CAB39L: variants seen among roughly 807,000 people sequenced by gnomAD.
The protein encoded by CAB39L is calcium-binding protein 39-like.
In CAB39L, 23 loss-of-function variants were observed where a neutral mutation model predicts 39.1. The ratio of observed to expected loss-of-function variants is 0.59; its 90% CI spans 0.42 to 0.83. The LOEUF (loss-of-function observed/expected upper bound fraction) is 0.83, where lower values mean the gene tolerates loss of function less well. CAB39L is among the 40% of genes least tolerant of loss of function. The pLI is 0.00. For missense variants in CAB39L, 366 were observed against 391.9 expected, an observed-to-expected ratio of 0.93 and a Z score of 0.56; for synonymous variants, 126 against 137.2, an observed-to-expected ratio of 0.92 and a Z score of 0.57.
At chr13:49,435,864 C>T (rs115824963) in intron 1 of CAB39L, among the ~76,000 whole-genome samples, 2,237 of 152,266 alleles carry the variant, frequency 0.015, 48 homozygotes, top group African/African-American at 0.051. Flanking sequence ...CATTTTCCTA[C>T]TGGGTTGATG....
intron 5 of CAB39L, among the ~76,000 whole-genome samples, chr13:49,371,800 CA>C (rs1480737494): frequency 6.6e-6 from 1 of 151,972 alleles, no homozygotes; most frequent in East Asian, 1.9e-4. Flanking sequence ...CCATGTTGCC[CA>C]GGGGGGTCTC....
At chr13:49,378,312 T>G (rs1469802021) in intron 4 of CAB39L, among the ~76,000 whole-genome samples, 4 of 50,498 alleles carry the variant, frequency 7.9e-5, no homozygotes, top group Admixed American at 3.3e-4. Flanking sequence ...GGGAGGGAGG[T>G]GGGGGGTCAG....
intron 10 of CAB39L, among the ~76,000 whole-genome samples, chr13:49,321,536 G>A (rs887040291): frequency 6.6e-6 from 1 of 152,188 alleles, no homozygotes; most frequent in Non-Finnish European, 1.5e-5. Context: ...CTGACCACTA[G>A]GCTGTGTGTG....
At chr13:49,345,524 G>A (rs1285208290) in intron 7 of CAB39L, among the ~76,000 whole-genome samples, 3 of 152,080 alleles carry the variant, frequency 2.0e-5, no homozygotes, top group Admixed American at 1.3e-4. Context: ...TTCCCACCCC[G>A]TCAAAGGTCT....
rs143486619 is a variant in CAB39L, at chr13:49,372,819, C to T, written c.276+4148G>A. 5.7e-3 allele frequency among the ~76,000 whole-genome samples: 871 copies of T among 152,136 alleles called. 16 individuals carry two copies. Among genetic ancestry groups the T allele is most frequent in the African/African-American group, 0.02 (849 of 41,494 alleles). On this transcript the variant is annotated intron_variant, in intron 5 of 10. Transcript: ENST00000409308. ...CCTCCAGAGTAGCTGGGACTACAGG[C>T]GCCCGCCACCACGCCCGGCTAATTT...
chr13:49,332,710 AAAGT>A (rs1954744516), intron 9 of CAB39L, among the ~76,000 whole-genome samples: 1 of 151,998 alleles, frequency 6.6e-6, no homozygotes, highest in African/African-American at 2.4e-5. Flanking sequence ...AAAAATACCC[AAAGT>A]AAGAATAGTT....
intron 10 of CAB39L, among the ~76,000 whole-genome samples, chr13:49,329,534 TAAAAAA>T (rs777940622): frequency 5.7e-5 from 1 of 17,408 alleles, no homozygotes; most frequent in African/African-American, 4.3e-4. Context: ...TCTCTTCAAT[TAAAAAA>T]AAAAATATAT....
intron 7 of CAB39L, among the ~76,000 whole-genome samples, chr13:49,347,676 C>T (rs969877722): frequency 6.6e-6 from 1 of 152,170 alleles, no homozygotes; most frequent in African/African-American, 2.4e-5. Context: ...CGAGGCCTAT[C>T]TCACCACTAG....
intron 3 of CAB39L, among the ~76,000 whole-genome samples, chr13:49,407,462 A>C (rs1368305820): frequency 5.3e-5 from 8 of 152,184 alleles, no homozygotes; most frequent in Non-Finnish European, 1.2e-4. Context: ...CCATTAAATT[A>C]AAACATTAGT....
intron 3 of CAB39L, among the ~76,000 whole-genome samples, chr13:49,430,397 C>A: frequency 6.6e-6 from 1 of 152,192 alleles, no homozygotes; most frequent in East Asian, 1.9e-4. Context: ...CAGACCCACA[C>A]AAGGTGGCTA....
intron 3 of CAB39L, among the ~76,000 whole-genome samples, chr13:49,389,708 T>G (rs1454415159): frequency 6.6e-6 from 1 of 152,214 alleles, no homozygotes; most frequent in Non-Finnish European, 1.5e-5. Context: ...ATATCTTCAT[T>G]CGATATAGCC....
chr13:49,426,063 T>A (rs921667451), intron 3 of CAB39L, among the ~76,000 whole-genome samples: 2 of 152,178 alleles, frequency 1.3e-5, no homozygotes, highest in Non-Finnish European at 2.9e-5. Context: ...GTCCTAGGAA[T>A]CTCACTGGGG....
chr13:49,323,619 C>T (rs1283867118), intron 10 of CAB39L, among the ~76,000 whole-genome samples: 1 of 152,178 alleles, frequency 6.6e-6, no homozygotes, highest in Non-Finnish European at 1.5e-5. Context: ...TACACATTCT[C>T]GCTTTCTGAA....
Position 49,377,082 on chromosome 13 carries a change from C to G in CAB39L, c.161G>C (p.Cys54Ser). Residue 54 changes from cysteine to serine, a missense_variant, in exon 5 of 11, where the codon TGT (cysteine) becomes TCT (serine). Coordinates refer to ENST00000409308, the MANE Select transcript of CAB39L (RefSeq NM_001079670.3). ...TGGGGGTTCTTTCTCGTTTGTACCA[C>G]ACAGAATTTCTTTCATTGCTTGCAG... ...KSLQAMKEIL[C>S]GTNEKEPPTE... is the part of the protein sequence containing the mutation. 6.2e-7 allele frequency: 1 copy of G among 1,613,622 alleles called. No homozygotes were observed. Among genetic ancestry groups the G allele is most frequent in the Middle Eastern group, 1.7e-4 (1 of 6,052 alleles).
chr13:49,437,594 T>C (rs1389042187), intron 1 of CAB39L, among the ~76,000 whole-genome samples: 2 of 152,198 alleles, frequency 1.3e-5, no homozygotes, highest in Admixed American at 1.3e-4. Context: ...ACCTCTCCTC[T>C]TTTTTTACAG....
chr13:49,439,380 T>C (rs1021342685), intron 1 of CAB39L, among the ~76,000 whole-genome samples: 3 of 152,214 alleles, frequency 2.0e-5, no homozygotes, highest in Non-Finnish European at 4.4e-5. Flanking sequence ...GTCTGGAGTA[T>C]GACAGATCCT....
intron 10 of CAB39L, among the ~76,000 whole-genome samples, chr13:49,322,382 T>C (rs774352235): frequency 1.3e-5 from 2 of 152,240 alleles, no homozygotes; most frequent in African/African-American, 2.4e-5. Flanking sequence ...TCAATGAGTA[T>C]GTCCTTATAA....
Position 49,378,324 on chromosome 13 carries a change from C to T in CAB39L, c.112-1193G>A, listed in dbSNP as rs1249739606. On this transcript the variant is annotated intron_variant, in intron 4 of 10. Transcript: ENST00000409308. Reference sequence around the variant, plus strand: ...TCTGGGAGGGAGGTGGGGGGTCAGCCCCCCCGACCGGCCAGCCGTGCCATC... The same window carrying T: ...TCTGGGAGGGAGGTGGGGGGTCAGCTCCCCCGACCGGCCAGCCGTGCCATC... 3.9e-5 allele frequency among the ~76,000 whole-genome samples: 3 copies of T among 76,026 alleles called. 1 individual carries two copies. Among genetic ancestry groups the T allele is most frequent in the African/African-American group, 2.4e-4 (3 of 12,608 alleles). 49.9% of individuals were successfully genotyped at this position (76,026 alleles called of 152,430 possible).
intron 5 of CAB39L, among the ~76,000 whole-genome samples, chr13:49,360,219 G>T (rs932063136): frequency 6.6e-6 from 1 of 152,194 alleles, no homozygotes; most frequent in Non-Finnish European, 1.5e-5. Context: ...GAAAACAGAA[G>T]AAGAAAATAA....
Sources: allele counts gnomAD v4.1 joint callset (sites outside exome capture counted in the v4.1 genomes callset), GRCh38; gene constraint gnomAD v4.1.1; transcripts MANE v1.5; gene names NCBI Gene and HGNC (gene_info 2026-07-23, HGNC 2026-07-21).